The following PLEC variants were observed in gnomAD, a reference collection of about 807,000 sequenced individuals.
PLEC encodes the protein hemidesmosomal protein 1.
Under a neutral mutation model 392.8 loss-of-function variants are expected in PLEC, and 216 were observed. That is an observed-to-expected ratio of 0.55 (90% CI 0.49 to 0.62). PLEC has a LOEUF of 0.62. Among genes scored for constraint, PLEC ranks in the 20% least tolerant of loss-of-function variants. The pLI is 0.00. For missense variants in PLEC, 6,863 were observed against 6,563.4 expected, an observed-to-expected ratio of 1.05 and a Z score of -1.58; for synonymous variants, 3,621 against 2,980.6, an observed-to-expected ratio of 1.21 and a Z score of -7.00.
In PLEC at chr8:143,923,899, T is replaced by C. The variant is rs1554694684; in HGVS notation, c.6030A>G (p.Glu2010=). The C allele has an allele frequency of 1.9e-6, 3 of 1,594,430 alleles. No homozygotes were observed. Among genetic ancestry groups the C allele is most frequent in the East Asian group, 4.5e-5 (2 of 44,626 alleles). Residue 2010 remains glutamate, a synonymous_variant, in exon 31 of 32, where the codon GAA becomes GAG. Transcript: ENST00000345136. ...CCACCTTGGCTTTCAGCCGCTCGAC[T>C]TCCTCCAGCGCCGCCTTCCGCTGCC... ...AARQRKAALE[E]VERLKAKVEE...
upstream of PLEC, among the ~76,000 whole-genome samples, chr8:143,956,516 C>T (rs556465232): frequency 1.3e-5 from 2 of 152,312 alleles, no homozygotes; most frequent in Non-Finnish European, 2.9e-5. Flanking sequence ...TGCAGTGAGC[C>T]GTGATTGCGC....
In PLEC at chr8:143,923,945, G is replaced by A. The variant is rs782351441; in HGVS notation, c.5984C>T (p.Ala1995Val). The change falls in exon 31 of 32, where the codon GCG becomes GTG. Residue 1995 changes from alanine (A) to valine (V), a missense_variant. Physicochemically the swap from Ala to Val is moderately conservative, Grantham distance 64. Transcript: ENST00000345136. ...CTGCCGTGCGGCCTCCTCCTCGGCC[G>A]CCAGGCTCTTCTGCACGCGCTCCTC... ...EAEERVQKSLAAEEEAARQRK... is the reference protein window; with the variant it reads ...EAEERVQKSLVAEEEAARQRK... 43 of 1,592,712 alleles carry A rather than the reference G, an allele frequency of 2.7e-5. No individual in the cohort carries two copies. The highest frequency in any genetic ancestry group is 1.2e-4 in the Admixed American group (7 of 59,596).
intron 1 of PLEC, chr8:143,944,648 C>T (rs963669780): frequency 5.2e-6 from 7 of 1,344,738 alleles, no homozygotes; most frequent in Non-Finnish European, 6.7e-6. Flanking sequence ...GCCCACCTAC[C>T]GGGCACGATC....
Position 143,931,670 on chromosome 8 carries a change from G to A in PLEC, c.2179-11C>T, listed in dbSNP as rs782516825. ...CACATCTGAGAAGAACTGGGGCAGC[G>A]GGAGGGGGTCACGCCAGGCTACCTG... On this transcript the variant is annotated splice_polypyrimidine_tract_variant and intron_variant, in intron 18 of 31. Transcript: ENST00000345136. 1.9e-5 allele frequency: 31 copies of A among 1,595,944 alleles called. 1 individual carries two copies. Among genetic ancestry groups the A allele is most frequent in the South Asian group, 3.4e-5 (3 of 88,312 alleles).
At chr8:143,931,074 G>A (rs902600260) in intron 19 of PLEC, among the ~76,000 whole-genome samples, 5 of 152,204 alleles carry the variant, frequency 3.3e-5, no homozygotes, top group African/African-American at 1.2e-4. Flanking sequence ...CCAGATCTCA[G>A]GCCAAACAGC....
rs376276993 is a variant in PLEC at position 143,929,486 on chromosome 8, G to A, written c.3009C>T (p.Thr1003=). Residue 1003 remains threonine (T), a synonymous_variant, in exon 24 of 32, where the codon ACC becomes ACT. Transcript: ENST00000345136. ...RLQLEACETR[T]VHRLRLPLDK... ...CCAGCGGCAGCCGCAGGCGGTGCAC[G>A]GTGCGCGTCTCACAGGCCTCCAGCT... 3.0e-5 allele frequency: 48 copies of A among 1,607,374 alleles called. No individual in the cohort carries two copies. The highest frequency in any genetic ancestry group is 1.3e-4 in the African/African-American group (10 of 74,998).
chr8:143,929,304 C>T (rs1012136484), intron 24 of PLEC, 23 bp from the exon 25 acceptor site: 18 of 1,597,994 alleles, frequency 1.1e-5, no homozygotes, highest in South Asian at 6.6e-5. Context: ...GGAGTGGGAA[C>T]GCACTCATCA....
chr8:143,929,468 C>T lies in PLEC; in HGVS notation c.3027G>A (p.Leu1009=). ...CETRTVHRLR[L]PLDKEPAREC... ...CCCGTGCCGGCTCTTTGTCCAGCGGCAGCCGCAGGCGGTGCACGGTGCGCG... is the reference window on the plus strand; with the variant it reads ...CCCGTGCCGGCTCTTTGTCCAGCGGTAGCCGCAGGCGGTGCACGGTGCGCG... The change falls in exon 24 of 32, where the codon CTG becomes CTA. Residue 1009 remains leucine (L), a synonymous_variant. Transcript: ENST00000345136. The T allele has an allele frequency of 1.3e-6, 2 of 1,598,452 alleles. No homozygotes were observed. The highest frequency in any genetic ancestry group is 1.7e-6 in the Non-Finnish European group (2 of 1,173,868).
upstream of PLEC, chr8:143,973,673 C>T (rs1554745158): frequency 1.3e-5 from 5 of 380,476 alleles, no homozygotes; most frequent in Non-Finnish European, 1.8e-5. The surrounding 1 kb of genome is among the most constrained non-coding windows in gnomAD (Gnocchi z 5.6). Flanking sequence ...CCCCTCCCGG[C>T]GGGCCGGTTC....
rs1554675067 is a variant in PLEC at position 143,918,381 on chromosome 8, G to A, written c.11440C>T (p.Leu3814=). The change falls in exon 32 of 32, where the codon CTG becomes TTG. Residue 3814 remains leucine (L), a synonymous_variant. Coordinates refer to ENST00000345136, the MANE Select transcript of PLEC (RefSeq NM_201384.3). The stretch of plus-strand genomic sequence containing the variant: ...ACCTCCAGGGGAAGGTGGAAGCCCA[G>A]GCGGGGGTCCACGATGCCGCCGGTG... ...LATGGIVDPR[L]GFHLPLEVAY... 1.9e-6 allele frequency: 3 copies of A among 1,567,214 alleles called. No homozygotes were observed. Among genetic ancestry groups the A allele is most frequent in the Admixed American group, 1.8e-5 (1 of 54,196 alleles).
rs782180332 is a variant in PLEC at position 143,924,250 on chromosome 8, C to T, written c.5679G>A (p.Glu1893=). The change falls in exon 31 of 32, where the codon GAG becomes GAA. Residue 1893 remains glutamate, a synonymous_variant. Transcript: ENST00000345136. ...QAAQHKADIE[E]RLAQLRKASD... is the part of the protein sequence containing the mutation. ...ATGCCTTGCGCAGCTGGGCCAGGCG[C>T]TCCTCGATGTCAGCCTTGTGTTGCG... The T allele has an allele frequency of 1.9e-6, 3 of 1,598,250 alleles. No individual in the cohort carries two copies. Among genetic ancestry groups the T allele is most frequent in the Non-Finnish European group, 8.5e-7 (1 of 1,179,390 alleles).
At chr8:143,944,644 C>CT in intron 1 of PLEC, 1 of 1,347,680 alleles carries the variant, frequency 7.4e-7, no homozygotes, top group Non-Finnish European at 9.6e-7. Context: ...GGCTGCCCAC[C>CT]TACCGGGCAC....
At position 143,920,478 on chromosome 8, in the gene PLEC, A is replaced by G. The variant is rs1399323900; in HGVS notation, c.9343T>C (p.Ser3115Pro). The G allele has an allele frequency of 6.2e-7, 1 of 1,605,348 alleles. No individual in the cohort carries two copies. The highest frequency in any genetic ancestry group is 8.5e-7 in the Non-Finnish European group (1 of 1,176,258). Reference protein sequence around the residue: ...YRDPYTGQSVSLFQALKKGLI... With the variant: ...YRDPYTGQSVPLFQALKKGLI... ...CCCTTCTTCAGGGCCTGGAACAGGG[A>G]GACGCTCTGCCCTGTGTAGGGGTCC... Residue 3115 changes from serine (S) to proline (P), a missense_variant, in exon 32 of 32, where the codon TCC becomes CCC. By Grantham distance (74) the Ser-to-Pro change is moderately conservative. Transcript: ENST00000345136.
At chr8:143,966,522 C>T (rs1833100941) in intron 1 of PLEC, among the ~76,000 whole-genome samples, 1 of 152,266 alleles carries the variant, frequency 6.6e-6, no homozygotes, top group South Asian at 2.1e-4. Flanking sequence ...CGGGGGACTC[C>T]TCAGCCGCTC....
chr8:143,949,196 C>G (rs1285134954), intron 1 of PLEC, among the ~76,000 whole-genome samples: 1 of 152,252 alleles, frequency 6.6e-6, no homozygotes, highest in Middle Eastern at 3.2e-3. Flanking sequence ...GGGCCCCCTC[C>G]CCCACACCCT....
upstream of PLEC, among the ~76,000 whole-genome samples, chr8:143,952,072 G>A (rs550213879): frequency 1.3e-5 from 2 of 152,320 alleles, no homozygotes; most frequent in East Asian, 3.9e-4. Context: ...GGGAGAGAGG[G>A]GGGATCCCGA....
In PLEC at chr8:143,925,790, G is replaced by A. The variant is rs782618498; in HGVS notation, c.4139C>T (p.Ala1380Val). The A allele has an allele frequency of 7.0e-6, 11 of 1,580,668 alleles. No individual in the cohort carries two copies. The South Asian group carries it at 1.0e-4, about 15-fold the overall frequency. The change falls in exon 31 of 32, where the codon GCC becomes GTC. Residue 1380 changes from alanine (A) to valine (V), a missense_variant. Physicochemically the swap from Ala to Val is moderately conservative, Grantham distance 64. Transcript: ENST00000345136. Reference sequence around the variant, plus strand: ...CCGCTCCGCCTGTGCCTTTGCCTGGGCGTGCGCCTCGGCCAGCTGCCGCTG... The same window carrying A: ...CCGCTCCGCCTGTGCCTTTGCCTGGACGTGCGCCTCGGCCAGCTGCCGCTG... ...EKQRQLAEAH[A>V]QAKAQAEREA...
In PLEC at chr8:143,921,537, C is replaced by T. The variant is rs1554686136; in HGVS notation, c.8284G>A (p.Glu2762Lys). 7.4e-6 allele frequency: 12 copies of T among 1,612,704 alleles called. No individual in the cohort carries two copies. Among genetic ancestry groups the T allele is most frequent in the Non-Finnish European group, 8.5e-6 (10 of 1,179,688 alleles). Residue 2762 changes from glutamate (E) to lysine (K), a missense_variant, in exon 32 of 32, where the codon GAG (glutamate) becomes AAG (lysine). By Grantham distance (56) the Glu-to-Lys change is moderately conservative (BLOSUM62 1). Transcript: ENST00000345136. ...GCCGACAGCAGCTTGTGGTGCAGCT[C>T]GGGGCCCACCACACCCTCCTTCACA... ...EAVKEGVVGPELHHKLLSAER... is the reference protein window; with the variant it reads ...EAVKEGVVGPKLHHKLLSAER...
At chr8:143,953,980 C>G (rs1025181624), upstream of PLEC, 10 of 1,274,068 alleles carry the variant, frequency 7.8e-6, no homozygotes, top group African/African-American at 3.2e-5. Flanking sequence ...CCCTCCCCCC[C>G]AGCCTGTGGT....
Sources: allele counts gnomAD v4.1 joint callset (sites outside exome capture counted in the v4.1 genomes callset), GRCh38; gene constraint gnomAD v4.1.1; non-coding constraint Gnocchi (gnomAD v3.1); transcripts MANE v1.5; gene names NCBI Gene and HGNC (gene_info 2026-07-23, HGNC 2026-07-21).